IRGM: variants seen among roughly 807,000 people sequenced by gnomAD.
IRGM encodes the protein immunity related GTPase M.
For missense variants in IRGM, 288 were observed against 219.9 expected (o/e 1.31, Z -1.96); for synonymous variants, 98 against 80.6 (o/e 1.22, Z -1.16).
At chr5:150,868,590 C>T (rs1489707668) in intron 1 of IRGM, among the ~76,000 whole-genome samples, 1 of 152,108 alleles carries the variant, frequency 6.6e-6, no homozygotes, top group Non-Finnish European at 1.5e-5. Flanking sequence ...AATATTGATT[C>T]CAGCCATTCA....
At chr5:150,864,024 G>A (rs1754172300) in intron 1 of IRGM, among the ~76,000 whole-genome samples, 1 of 152,154 alleles carries the variant, frequency 6.6e-6, no homozygotes, top group South Asian at 2.1e-4. Flanking sequence ...CCAGGACCTG[G>A]TTTTTCTTAG....
Position 150,868,148 on chromosome 5 carries a change from A to G in IRGM, c.159-9832A>G, listed in dbSNP as rs149740076. On this transcript the variant is annotated intron_variant and NMD_transcript_variant, in intron 1 of 3. Transcript: ENST00000520549. ...TGATCCATCTTGAGTTGATTTTTAT[A>G]TAAGATGAGAGATAAGTATCCAGTT... is the stretch of plus-strand genomic sequence containing the variant. Among the ~76,000 whole-genome samples, 465 of 152,254 alleles carry G rather than the reference A, an allele frequency of 3.1e-3. 1 individual carries two copies. Among genetic ancestry groups the G allele is most frequent in the Non-Finnish European group, 4.8e-3 (326 of 67,990 alleles).
intron 3 of IRGM, among the ~76,000 whole-genome samples, chr5:150,885,906 T>C (rs1754514086): frequency 6.6e-6 from 1 of 152,112 alleles, no homozygotes. Context: ...TGCTCTTTAT[T>C]TCTTTTACCT....
chr5:150,850,167 C>T (rs1196095070), downstream of IRGM, among the ~76,000 whole-genome samples: 1 of 152,158 alleles, frequency 6.6e-6, no homozygotes, highest in East Asian at 1.9e-4. Flanking sequence ...ATTTCTTTTC[C>T]TTTCTTTCAT....
At chr5:150,853,014 T>TA (rs1451883005), downstream of IRGM, among the ~76,000 whole-genome samples, 1 of 152,160 alleles carries the variant, frequency 6.6e-6, no homozygotes, top group Non-Finnish European at 1.5e-5. Context: ...ATTATTCTTC[T>TA]AGTGCCTTAA....
chr5:150,849,751 T>G (rs1177398379), downstream of IRGM, among the ~76,000 whole-genome samples: 3 of 151,784 alleles, frequency 2.0e-5, no homozygotes, highest in East Asian at 5.8e-4. Flanking sequence ...AGACAACAGG[T>G]GCACACCACC....
chr5:150,875,233 C>T (rs891943728), intron 1 of IRGM, among the ~76,000 whole-genome samples: 2 of 152,152 alleles, frequency 1.3e-5, no homozygotes, highest in Non-Finnish European at 2.9e-5. Context: ...ATGCAGGCAC[C>T]ACCCAAAAGT....
chr5:150,894,238 G>A (rs1754671247), intron 3 of IRGM, among the ~76,000 whole-genome samples: 2 of 151,934 alleles, frequency 1.3e-5, no homozygotes, highest in African/African-American at 4.8e-5. Context: ...GGGAATGGAT[G>A]GAATGACAGA....
downstream of IRGM, among the ~76,000 whole-genome samples, chr5:150,850,804 A>G (rs1289139473): frequency 6.6e-6 from 1 of 152,154 alleles, no homozygotes; most frequent in East Asian, 1.9e-4. Context: ...CCCTGTAGTG[A>G]GAGCGAGCCA....
At chr5:150,857,910 G>C (rs1206444101) in intron 1 of IRGM, among the ~76,000 whole-genome samples, 1 of 150,924 alleles carries the variant, frequency 6.6e-6, no homozygotes, top group South Asian at 2.1e-4. Context: ...CTTTTGCTGT[G>C]CAGAAGCTCT....
intron 3 of IRGM, among the ~76,000 whole-genome samples, chr5:150,880,979 T>A (rs1482083546): frequency 6.6e-6 from 1 of 151,778 alleles, no homozygotes; most frequent in African/African-American, 2.4e-5. Flanking sequence ...ATACAAAAAT[T>A]AGCCTGGCGT....
intron 1 of IRGM, among the ~76,000 whole-genome samples, chr5:150,867,724 A>G (rs908304063): frequency 6.6e-6 from 1 of 151,654 alleles, no homozygotes; most frequent in African/African-American, 2.4e-5. Context: ...GCATTTCCCG[A>G]TAATTAGTGA....
chr5:150,884,441 T>A (rs1353533429), intron 3 of IRGM, among the ~76,000 whole-genome samples: 1 of 152,102 alleles, frequency 6.6e-6, no homozygotes, highest in East Asian at 1.9e-4. Context: ...TACCCAGTAA[T>A]GGGATTGCTG....
chr5:150,883,856 AAAG>A (rs1329014697), intron 3 of IRGM, among the ~76,000 whole-genome samples: 20 of 152,054 alleles, frequency 1.3e-4, no homozygotes, highest in African/African-American at 3.4e-4. Flanking sequence ...AAAAAAAATT[AAAG>A]AAGAAGGAAC....
chr5:150,884,406 A>C (rs1458836217), intron 3 of IRGM, among the ~76,000 whole-genome samples: 1 of 152,046 alleles, frequency 6.6e-6, no homozygotes, highest in Non-Finnish European at 1.5e-5. Context: ...TTCACAGTAG[A>C]ATGATTTATA....
rs141159623 is a variant in IRGM at position 150,866,505 on chromosome 5, C to T, written c.159-11475C>T. On this transcript the variant is annotated intron_variant and NMD_transcript_variant, in intron 1 of 3. Coordinates refer to the IRGM transcript ENST00000520549. ...TGCCATTATGGACAGATGAGATGATCTGAAATTTTGAAGATGGTACAACCC... is the reference window on the plus strand; with the variant it reads ...TGCCATTATGGACAGATGAGATGATTTGAAATTTTGAAGATGGTACAACCC... Among the ~76,000 whole-genome samples, 501 of 152,248 alleles carry T rather than the reference C, an allele frequency of 3.3e-3. 3 individuals are homozygous for T. The highest frequency in any genetic ancestry group is 0.011 in the African/African-American group (475 of 41,540).
At chr5:150,897,006 T>C (rs777246190) in intron 3 of IRGM, 3 of 1,518,862 alleles carry the variant, frequency 2.0e-6, no homozygotes, top group African/African-American at 2.8e-5. Context: ...TTAAGAGTCA[T>C]CACAAGAGTC....
chr5:150,856,013 T>C (rs1413885908), intron 1 of IRGM, among the ~76,000 whole-genome samples: 2 of 152,180 alleles, frequency 1.3e-5, no homozygotes, highest in African/African-American at 2.4e-5. Flanking sequence ...ATTTTAAAAT[T>C]ATAACAATAA....
At chr5:150,895,179 C>G (rs929687524) in intron 3 of IRGM, 2 of 378,392 alleles carry the variant, frequency 5.3e-6, no homozygotes, top group African/African-American at 4.2e-5. Flanking sequence ...GTATGCTTAA[C>G]TTGCTGTGCT....
Sources: gnomAD v4.1 joint callset for allele counts (sites outside exome capture counted in the v4.1 genomes callset) on GRCh38, gnomAD v4.1.1 for gene constraint, MANE v1.5 for transcripts, NCBI Gene and HGNC (gene_info 2026-07-23, HGNC 2026-07-21) for gene names.